NEXMIF: variants seen among roughly 807,000 people sequenced by gnomAD.
NEXMIF encodes XLMR protein related to neurite extension.
NEXMIF carries 8 observed loss-of-function variants against 62.1 expected under a neutral mutation model. The observed-to-expected ratio is 0.13, with a 90% CI of 0.08 to 0.23. NEXMIF has a LOEUF of 0.23. Ranked by LOEUF, NEXMIF falls within the 10% of genes least tolerant of loss-of-function variation. NEXMIF has a pLI of 1.00. For synonymous variants in NEXMIF, 404 were observed against 416.6 expected, an observed-to-expected ratio of 0.97 and a Z score of 0.37; for missense variants, 976 against 1,113.3, an observed-to-expected ratio of 0.88 and a Z score of 1.75.
intron 1 of NEXMIF, among the ~76,000 whole-genome samples, chrX:74,886,566 G>A (rs1339078394): frequency 5.4e-5 from 6 of 111,059 alleles, no homozygotes; most frequent in Admixed American, 1.9e-4. Context: ...CAAAGAAAAT[G>A]AAATACCTAG....
intron 1 of NEXMIF, among the ~76,000 whole-genome samples, chrX:74,875,883 C>CT (rs1475141634): frequency 3.6e-5 from 4 of 111,598 alleles, no homozygotes; most frequent in Non-Finnish European, 7.5e-5. Flanking sequence ...ATTCTTCTCT[C>CT]TTTTTTTCCT....
At chrX:74,812,698 G>T (rs182635919) in intron 1 of NEXMIF, among the ~76,000 whole-genome samples, 89 of 111,813 alleles carry the variant, frequency 8.0e-4, no homozygotes, top group Non-Finnish European at 1.1e-3. Context: ...CTAAGTACAA[G>T]AAAATCAGAG....
intron 1 of NEXMIF, among the ~76,000 whole-genome samples, chrX:74,822,544 T>TA (rs1275535544): frequency 7.2e-5 from 8 of 111,209 alleles, no homozygotes; most frequent in Non-Finnish European, 1.5e-4. Context: ...AACTCAACAA[T>TA]AAAAAAGTCA....
At chrX:74,779,598 T>C (rs774175567) in intron 1 of NEXMIF, among the ~76,000 whole-genome samples, 16 of 111,667 alleles carry the variant, frequency 1.4e-4, no homozygotes, top group African/African-American at 5.2e-4. Context: ...CAGAGGCTCC[T>C]GCCCTTACTT....
intron 1 of NEXMIF, among the ~76,000 whole-genome samples, chrX:74,881,513 C>T (rs766406707): frequency 3.1e-5 from 3 of 98,075 alleles, no homozygotes; most frequent in Admixed American, 1.2e-4. Context: ...TTTCTCAATC[C>T]AGGTACTGTT....
At chrX:74,810,547 T>C (rs369372544) in intron 1 of NEXMIF, among the ~76,000 whole-genome samples, 1 of 108,132 alleles carries the variant, frequency 9.2e-6, no homozygotes, top group Admixed American at 1.0e-4. Flanking sequence ...TCCCAGCTCT[T>C]TGGGAGGCCG....
chrX:74,800,689 T>C (rs1293486559), intron 1 of NEXMIF, among the ~76,000 whole-genome samples: 2 of 111,301 alleles, frequency 1.8e-5, no homozygotes, highest in Admixed American at 1.9e-4. Context: ...TTTTAAAAAA[T>C]TAAAATTAAA....
intron 1 of NEXMIF, among the ~76,000 whole-genome samples, chrX:74,758,332 T>C (rs1485512172): frequency 8.9e-6 from 1 of 111,871 alleles, no homozygotes; most frequent in African/African-American, 3.2e-5. Flanking sequence ...TATGTTCTAA[T>C]AAACTTTGAT....
chrX:74,796,166 A>ATATATT (rs2080307400), intron 1 of NEXMIF, among the ~76,000 whole-genome samples: 1 of 74,321 alleles, frequency 1.3e-5, no homozygotes, highest in Non-Finnish European at 2.4e-5. Flanking sequence ...TATATATTAT[A>ATATATT]TATATTATAT....
intron 1 of NEXMIF, among the ~76,000 whole-genome samples, chrX:74,840,624 C>T (rs1005780466): frequency 1.8e-5 from 2 of 112,021 alleles, no homozygotes; most frequent in Admixed American, 9.5e-5. Context: ...TTGGGTTTTA[C>T]ATTTAAGTCT....
intron 1 of NEXMIF, among the ~76,000 whole-genome samples, chrX:74,857,676 C>T (rs1394032273): frequency 2.7e-5 from 3 of 111,873 alleles, no homozygotes; most frequent in Non-Finnish European, 3.8e-5. Flanking sequence ...ACCAACTCAG[C>T]CACAGGGGTG....
intron 1 of NEXMIF, among the ~76,000 whole-genome samples, chrX:74,791,282 T>G (rs1394582719): frequency 3.6e-5 from 4 of 111,985 alleles, no homozygotes; most frequent in South Asian, 3.8e-4. Context: ...ATTACATTTA[T>G]TGATTTGTGT....
chrX:74,805,245 T>TTG lies in NEXMIF; in HGVS notation c.-47-59550_-47-59549dup, dbSNP rs756552716. ...GATTTTTGGTTCTTATGAAGGTGCT[T>TTG]TGTGTGTGTGTGTACATAATTGTTA... On this transcript the variant is annotated intron_variant, in intron 1 of 3. Transcript: ENST00000055682. Among the ~76,000 whole-genome samples the TTG allele has an allele frequency of 8.1e-5, 9 of 111,686 alleles. 1 individual carries two copies. The South Asian group carries it at 2.3e-3, about 28-fold the overall frequency.
At chrX:74,805,945 G>A (rs982353834) in intron 1 of NEXMIF, among the ~76,000 whole-genome samples, 1 of 111,112 alleles carries the variant, frequency 9.0e-6, no homozygotes, top group South Asian at 3.7e-4. Context: ...CTCTGGCTTT[G>A]CTCTTTTTGC....
chrX:74,741,076 C>A lies in NEXMIF; in HGVS notation c.3481G>T (p.Asp1161Tyr), dbSNP rs1281329703. The stretch of plus-strand genomic sequence containing the variant: ...TTGGTACTAATTTGACCAGATGGAT[C>A]ATTAAATGTTGACAGGCAAGGGTTT... ...QKNPCLSTFN[D>Y]PSGQISTNNK... The change falls in exon 3 of 4, where the codon GAT becomes TAT. Residue 1161 changes from aspartate (D) to tyrosine (Y), a missense_variant. By Grantham distance (160) the Asp-to-Tyr change is radical (BLOSUM62 -3). Around this residue, in one of 5 missense-constraint regions of NEXMIF, gnomAD observed 639 missense variants for 694.5 expected, o/e 0.92. Coordinates refer to ENST00000055682, the MANE Select transcript of NEXMIF (RefSeq NM_001008537.3). 2.5e-6 allele frequency: 3 copies of A among 1,211,582 alleles called. No individual in the cohort carries two copies. The highest frequency in any genetic ancestry group is 5.9e-5 in the East Asian group (2 of 33,843).
At chrX:74,837,532 T>C (rs760498969) in intron 1 of NEXMIF, among the ~76,000 whole-genome samples, 37 of 112,380 alleles carry the variant, frequency 3.3e-4, no homozygotes, top group Non-Finnish European at 3.0e-4. Context: ...CCTGCTTTTG[T>C]CACATTTTAC....
chrX:74,856,473 A>G (rs2080535364), intron 1 of NEXMIF, among the ~76,000 whole-genome samples: 1 of 111,674 alleles, frequency 9.0e-6, no homozygotes, highest in Non-Finnish European at 1.9e-5. Context: ...TATGCCCAGA[A>G]GCGGAGGAGA....
At chrX:74,843,880 G>A (rs765344858) in intron 1 of NEXMIF, among the ~76,000 whole-genome samples, 35 of 112,007 alleles carry the variant, frequency 3.1e-4, no homozygotes, top group Non-Finnish European at 9.4e-5. Flanking sequence ...CAATGACACT[G>A]GTCTGTGTGT....
chrX:74,751,728 C>CTCCCTCCCTCTTTTCTTCCTTCCTTCCT (rs2080144485), intron 1 of NEXMIF, among the ~76,000 whole-genome samples: 1 of 91,118 alleles, frequency 1.1e-5, no homozygotes, highest in African/African-American at 4.1e-5. Context: ...CCTTCCTTCC[C>CTCCCTCCCTCTTTTCTTCCTTCCTTCCT]TCCCTCCCTC....
Sources: allele counts gnomAD v4.1 joint callset (sites outside exome capture counted in the v4.1 genomes callset), GRCh38; gene constraint gnomAD v4.1.1; regional missense constraint gnomAD v4.1.1; transcripts MANE v1.5; gene names NCBI Gene and HGNC (gene_info 2026-07-23, HGNC 2026-07-21).